Variants in DIP2C observed in about 807,000 individuals in gnomAD.
DIP2C encodes the protein disco-interacting protein 2 homolog C.
A neutral mutation model predicts 192.4 loss-of-function variants in DIP2C; 33 were observed. That is an observed-to-expected ratio of 0.17 (90% CI 0.13 to 0.23). The LOEUF is 0.23. DIP2C is among the 10% of genes least tolerant of loss of function. The pLI is 1.00. For synonymous variants in DIP2C, 979 were observed against 864.1 expected, an observed-to-expected ratio of 1.13 and a Z score of -2.33; for missense variants, 1,537 against 2,110.1, an observed-to-expected ratio of 0.73 and a Z score of 5.32.
chr10:359,627 G>A (rs1959213962), intron 22 of DIP2C, among the ~76,000 whole-genome samples: 2 of 152,174 alleles, frequency 1.3e-5, no homozygotes, highest in South Asian at 4.2e-4. Flanking sequence ...GGCTCTGGAA[G>A]GAAGGGAGCT....
chr10:510,077 C>G (rs1320499943), intron 1 of DIP2C, among the ~76,000 whole-genome samples: 1 of 152,188 alleles, frequency 6.6e-6, no homozygotes, highest in Non-Finnish European at 1.5e-5. Flanking sequence ...TCAGTGACAT[C>G]GAACGGAGGG....
At chr10:304,685 T>A (rs553321782) in intron 32 of DIP2C, among the ~76,000 whole-genome samples, 7 of 78,418 alleles carry the variant, frequency 8.9e-5, no homozygotes, top group Non-Finnish European at 1.3e-4. Flanking sequence ...AATACTCACA[T>A]AGCCCACACA....
At chr10:599,293 C>G (rs545610744) in intron 1 of DIP2C, among the ~76,000 whole-genome samples, 1 of 152,316 alleles carries the variant, frequency 6.6e-6, no homozygotes, top group South Asian at 2.1e-4. Flanking sequence ...CATTTAAATA[C>G]CCGGCAAAAA....
intron 2 of DIP2C, among the ~76,000 whole-genome samples, chr10:476,999 G>T (rs1244381552): frequency 9.3e-6 from 1 of 107,840 alleles, no homozygotes; most frequent in African/African-American, 3.7e-5. Flanking sequence ...TCCCACAGAG[G>T]GCTGGAACAT....
intron 1 of DIP2C, among the ~76,000 whole-genome samples, chr10:659,160 CAT>C (rs1357858942): frequency 6.6e-6 from 1 of 152,224 alleles, no homozygotes; most frequent in Admixed American, 6.5e-5. Flanking sequence ...ATACACATAA[CAT>C]GCACACATAT....
intron 1 of DIP2C, among the ~76,000 whole-genome samples, chr10:500,648 G>A (rs1006481708): frequency 3.3e-5 from 5 of 152,154 alleles, no homozygotes; most frequent in Admixed American, 6.5e-5. Flanking sequence ...CCAAATGTTC[G>A]CTGGATAAAA....
At chr10:397,036 G>A (rs1277881763) in intron 10 of DIP2C, among the ~76,000 whole-genome samples, 1 of 152,182 alleles carries the variant, frequency 6.6e-6, no homozygotes, top group Non-Finnish European at 1.5e-5. Context: ...CCCATCCAAG[G>A]GGAAGTTTGA....
At chr10:343,623 G>A (rs1362560945) in intron 28 of DIP2C, among the ~76,000 whole-genome samples, 2 of 152,212 alleles carry the variant, frequency 1.3e-5, no homozygotes, top group African/African-American at 4.8e-5. Flanking sequence ...AAGGAGAAAT[G>A]AGACTGAATT....
intron 3 of DIP2C, among the ~76,000 whole-genome samples, chr10:452,537 C>T (rs1968933020): frequency 2.0e-5 from 3 of 152,160 alleles, no homozygotes. Context: ...CTCAAAATAT[C>T]CAAGCCAGAA....
chr10:397,894 G>A (rs1964121802), intron 10 of DIP2C, among the ~76,000 whole-genome samples: 1 of 152,096 alleles, frequency 6.6e-6, no homozygotes. Context: ...TGGGAAGGAG[G>A]GGTCGGACAT....
chr10:613,872 CG>C (rs951344615), intron 1 of DIP2C, among the ~76,000 whole-genome samples: 1 of 152,074 alleles, frequency 6.6e-6, no homozygotes, highest in African/African-American at 2.4e-5. Context: ...CTCCTGATCT[CG>C]GCCATCTGAT....
intron 1 of DIP2C, among the ~76,000 whole-genome samples, chr10:617,282 T>C (rs1207875316): frequency 6.7e-6 from 1 of 148,932 alleles, no homozygotes; most frequent in Non-Finnish European, 1.5e-5. Flanking sequence ...AGCAGCGGGG[T>C]AAGAGCTGGG....
chr10:303,131 G>A (rs1161936795), intron 32 of DIP2C, among the ~76,000 whole-genome samples: 1 of 152,126 alleles, frequency 6.6e-6, no homozygotes, highest in Non-Finnish European at 1.5e-5. Context: ...CACTGTACTC[G>A]TGAGCCAAGA....
chr10:597,271 C>T (rs149263961), intron 1 of DIP2C, among the ~76,000 whole-genome samples: 10 of 152,316 alleles, frequency 6.6e-5, no homozygotes, highest in African/African-American at 2.4e-4. Flanking sequence ...GCCACACCCT[C>T]CCAGGCCTCC....
chr10:617,657 C>CCT (rs1853563654), intron 1 of DIP2C, among the ~76,000 whole-genome samples: 1 of 150,556 alleles, frequency 6.6e-6, no homozygotes, highest in South Asian at 2.1e-4. Flanking sequence ...TGGATACCAC[C>CCT]CCCCCACCCC....
chr10:519,232 G>A (rs1298772406), intron 1 of DIP2C, among the ~76,000 whole-genome samples: 3 of 152,204 alleles, frequency 2.0e-5, no homozygotes, highest in Non-Finnish European at 4.4e-5. Context: ...GGCCACACCA[G>A]GGCCCAGGAG....
At chr10:621,771 G>C (rs987658117) in intron 1 of DIP2C, among the ~76,000 whole-genome samples, 31 of 152,202 alleles carry the variant, frequency 2.0e-4, no homozygotes, top group African/African-American at 6.5e-4. Context: ...CTCATGCCAA[G>C]GTGCTGAGCA....
intron 1 of DIP2C, among the ~76,000 whole-genome samples, chr10:617,698 G>C (rs528757399): frequency 1.4e-5 from 2 of 140,036 alleles, no homozygotes; most frequent in African/African-American, 5.7e-5. Context: ...TCCACTTGCG[G>C]TTCCGAAGGA....
chr10:344,144 C>T (rs551728559), intron 28 of DIP2C, among the ~76,000 whole-genome samples: 102 of 152,338 alleles, frequency 6.7e-4, no homozygotes, highest in Middle Eastern at 6.8e-3. Flanking sequence ...CTGGCTATGA[C>T]AGTGGGAGGG....
Sources: allele counts gnomAD v4.1 joint callset (sites outside exome capture counted in the v4.1 genomes callset), GRCh38; gene constraint gnomAD v4.1.1; transcripts MANE v1.5; gene names NCBI Gene and HGNC (gene_info 2026-07-23, HGNC 2026-07-21).